Variants in GPBP1 observed in about 807,000 individuals in gnomAD.
GPBP1 encodes vasculin.
Under a neutral mutation model 56.5 loss-of-function variants are expected in GPBP1, and 13 were observed. The observed-to-expected ratio is 0.23, with a 90% CI of 0.15 to 0.37. The LOEUF is 0.37. GPBP1 is among the 10% of genes least tolerant of loss of function. The pLI is 1.00. For synonymous variants in GPBP1, 204 were observed against 188.9 expected, an observed-to-expected ratio of 1.08 and a Z score of -0.66; for missense variants, 477 against 572.3, an observed-to-expected ratio of 0.83 and a Z score of 1.70.
chr5:57,230,200 G>A (rs991926171), intron 3 of GPBP1, among the ~76,000 whole-genome samples: 1 of 152,092 alleles, frequency 6.6e-6, no homozygotes, highest in African/African-American at 2.4e-5. Flanking sequence ...CGAAAGTGCT[G>A]GGATTACAGG....
At chr5:57,217,384 C>T (rs1011327802) in intron 3 of GPBP1, among the ~76,000 whole-genome samples, 1 of 151,916 alleles carries the variant, frequency 6.6e-6, no homozygotes, top group African/African-American at 2.4e-5. Context: ...ACCAGCCTGA[C>T]CAACATGGAG....
In GPBP1 at chr5:57,262,882, T is replaced by A; in HGVS notation, c.*130T>A. 1 of 728,418 alleles carries A rather than the reference T, an allele frequency of 1.4e-6. No homozygotes were observed. The highest frequency in any genetic ancestry group is 2.0e-5 in the South Asian group (1 of 48,956). 45.1% of individuals were successfully genotyped at this position (728,418 alleles called of 1,614,324 possible). A position where few individuals can be genotyped will look rare whatever the true frequency, so the allele number is the denominator to read the frequency against. ...ATTAGAAGAGGATTTTTTGGGGGAC[T>A]TCAATATGAAGAAAACCAAGAATGT... On this transcript the variant is annotated 3_prime_UTR_variant, in exon 12 of 12. Transcript: ENST00000506184.
chr5:57,225,903 A>G (rs1000401850), intron 3 of GPBP1, among the ~76,000 whole-genome samples: 3 of 152,246 alleles, frequency 2.0e-5, no homozygotes, highest in Non-Finnish European at 4.4e-5. Context: ...ACTCAGATCC[A>G]TACAACCTTG....
intron 10 of GPBP1, 31 bp from the exon 11 acceptor site, chr5:57,261,149 T>C: frequency 1.5e-6 from 2 of 1,359,778 alleles, no homozygotes; most frequent in South Asian, 2.3e-5. Flanking sequence ...GGGTAAGCTT[T>C]ACATTAAACT....
At position 57,186,183 on chromosome 5, in the gene GPBP1, C is replaced by T. The variant is rs532025888; in HGVS notation, c.-58+9783C>T. Among the ~76,000 whole-genome samples, 41 of 151,092 alleles carry T rather than the reference C, an allele frequency of 2.7e-4. 2 individuals are homozygous for T. The South Asian group carries it at 7.4e-3, about 27-fold the overall frequency. ...AGGCTGAGGCTGGAGAATCCTTTTA[C>T]GCTGGAAGTTCAAGACCAGCCTGGG... is the stretch of plus-strand genomic sequence containing the variant. On this transcript the variant is annotated intron_variant, in intron 2 of 11. Transcript: ENST00000506184.
chr5:57,189,047 T>C (rs551222164), intron 2 of GPBP1, among the ~76,000 whole-genome samples: 24 of 152,300 alleles, frequency 1.6e-4, no homozygotes, highest in Non-Finnish European at 3.1e-4. Flanking sequence ...GGCTGGAGTA[T>C]AGTGGTGTGA....
At chr5:57,258,392 C>T (rs1741752591) in intron 10 of GPBP1, among the ~76,000 whole-genome samples, 1 of 151,924 alleles carries the variant, frequency 6.6e-6, no homozygotes, top group African/African-American at 2.4e-5. Context: ...ATGGTATAGA[C>T]TGTTATTTCT....
chr5:57,239,770 A>G (rs75264608), intron 6 of GPBP1, among the ~76,000 whole-genome samples: 2 of 152,036 alleles, frequency 1.3e-5, no homozygotes, highest in Non-Finnish European at 2.9e-5. Context: ...ACAAAGAGAC[A>G]CTCCATCTCC....
chr5:57,187,152 T>A (rs115769118), intron 2 of GPBP1, among the ~76,000 whole-genome samples: 1,734 of 152,210 alleles, frequency 0.011, 30 homozygotes, highest in African/African-American at 0.04. Context: ...TCTAAAATAT[T>A]TTATAGGAAA....
chr5:57,230,799 T>C (rs1756420472), intron 3 of GPBP1, 47 bp from the exon 4 acceptor site: 4 of 1,516,578 alleles, frequency 2.6e-6, no homozygotes, highest in Non-Finnish European at 3.6e-6. Context: ...GTTTTTAAAG[T>C]TATATTTAGG....
intron 3 of GPBP1, among the ~76,000 whole-genome samples, chr5:57,214,436 T>G (rs112031121): frequency 5.9e-5 from 9 of 151,976 alleles, no homozygotes; most frequent in African/African-American, 2.2e-4. Flanking sequence ...AGATACAAAA[T>G]TAGCCAGGCG....
chr5:57,217,442 C>T (rs1236016646), intron 3 of GPBP1, among the ~76,000 whole-genome samples: 1 of 152,116 alleles, frequency 6.6e-6, no homozygotes, highest in Admixed American at 6.6e-5. Context: ...TGTGGTGGTG[C>T]ATACCTTAAT....
At chr5:57,253,977 G>C (rs1741513789) in intron 10 of GPBP1, among the ~76,000 whole-genome samples, 1 of 151,900 alleles carries the variant, frequency 6.6e-6, no homozygotes, top group South Asian at 2.1e-4. Flanking sequence ...TTATTCCATT[G>C]TCCAGCCTGG....
intron 2 of GPBP1, among the ~76,000 whole-genome samples, chr5:57,181,723 G>A (rs1052874924): frequency 4.6e-5 from 7 of 152,066 alleles, no homozygotes; most frequent in East Asian, 1.9e-4. Context: ...ATGCCAGGCC[G>A]AGACAGTGGT....
At chr5:57,238,775 C>T (rs530599578) in intron 6 of GPBP1, among the ~76,000 whole-genome samples, 1 of 152,236 alleles carries the variant, frequency 6.6e-6, no homozygotes, top group South Asian at 2.1e-4. Flanking sequence ...ATTTTTTCAG[C>T]TCCTTGGTAG....
chr5:57,188,756 G>A (rs992212172), intron 2 of GPBP1, among the ~76,000 whole-genome samples: 9 of 151,866 alleles, frequency 5.9e-5, no homozygotes, highest in African/African-American at 1.9e-4. Context: ...AAAAATAAAA[G>A]GCAAGCTACA....
At chr5:57,219,060 G>A (rs953012403) in intron 3 of GPBP1, among the ~76,000 whole-genome samples, 9 of 151,980 alleles carry the variant, frequency 5.9e-5, no homozygotes, top group African/African-American at 2.2e-4. Flanking sequence ...TGTAAAATGA[G>A]TAAAAATTCA....
chr5:57,262,559 G>T, intron 11 of GPBP1, 35 bp from the exon 12 acceptor site: 1 of 1,491,972 alleles, frequency 6.7e-7, no homozygotes, highest in African/African-American at 1.4e-5. Flanking sequence ...TAACTCTTGA[G>T]GGATAATTTA....
At chr5:57,242,273 G>T (rs925481537) in intron 6 of GPBP1, among the ~76,000 whole-genome samples, 3 of 152,106 alleles carry the variant, frequency 2.0e-5, no homozygotes, top group Admixed American at 2.0e-4. Context: ...GGAATCCTAT[G>T]CTAGTGACAG....
Sources: allele counts gnomAD v4.1 joint callset (sites outside exome capture counted in the v4.1 genomes callset), GRCh38; gene constraint gnomAD v4.1.1; transcripts MANE v1.5; gene names NCBI Gene and HGNC (gene_info 2026-07-23, HGNC 2026-07-21).